Variants in TMEM117 observed in about 807,000 individuals in gnomAD.
The protein encoded by TMEM117 is transmembrane protein 117.
TMEM117 carries 27 observed loss-of-function variants against 52.4 expected under a neutral mutation model. The ratio of observed to expected loss-of-function variants is 0.51; its 90% CI spans 0.38 to 0.71. TMEM117 has a LOEUF of 0.71. TMEM117 is among the 30% of genes least tolerant of loss of function. TMEM117 has a pLI of 0.00. For missense variants in TMEM117, 556 were observed against 630.5 expected, an observed-to-expected ratio of 0.88 and a Z score of 1.26; for synonymous variants, 215 against 206.3, an observed-to-expected ratio of 1.04 and a Z score of -0.36.
intron 4 of TMEM117, among the ~76,000 whole-genome samples, chr12:44,189,014 G>T (rs1263818891): frequency 6.6e-6 from 1 of 151,936 alleles, no homozygotes; most frequent in East Asian, 1.9e-4. Flanking sequence ...GATCAAATCA[G>T]GGTAATTGGG....
chr12:44,032,789 C>A (rs995344447), intron 3 of TMEM117, among the ~76,000 whole-genome samples: 2 of 152,098 alleles, frequency 1.3e-5, no homozygotes, highest in African/African-American at 2.4e-5. Flanking sequence ...ATACAAGAGA[C>A]CCTAATAGTG....
chr12:44,138,673 A>G (rs1948527176), intron 3 of TMEM117, among the ~76,000 whole-genome samples: 1 of 152,180 alleles, frequency 6.6e-6, no homozygotes, highest in Admixed American at 6.5e-5. Context: ...GGCTACAGCT[A>G]ACAATTGTCT....
At chr12:44,309,069 C>G (rs1177868087) in intron 6 of TMEM117, among the ~76,000 whole-genome samples, 2 of 152,152 alleles carry the variant, frequency 1.3e-5, no homozygotes, top group Admixed American at 1.3e-4. Flanking sequence ...TAACAATCCT[C>G]TATAATTCAG....
chr12:43,898,028 GCACACACA>G (rs10604495), intron 2 of TMEM117, among the ~76,000 whole-genome samples: 6 of 143,400 alleles, frequency 4.2e-5, no homozygotes, highest in South Asian at 2.2e-4. Context: ...ATGCACATGC[GCACACACA>G]CACACACGCA....
At chr12:44,311,727 GTA>G (rs200776386) in intron 6 of TMEM117, among the ~76,000 whole-genome samples, 5,786 of 135,298 alleles carry the variant, frequency 0.043, 411 homozygotes, top group African/African-American at 0.14. Context: ...ATATATATAT[GTA>G]TATATATATG....
At chr12:43,903,902 T>G (rs528427281) in intron 2 of TMEM117, among the ~76,000 whole-genome samples, 5 of 152,172 alleles carry the variant, frequency 3.3e-5, no homozygotes, top group Non-Finnish European at 7.4e-5. Context: ...CTCCTTTATG[T>G]ACTCAAATGC....
rs1015702945 is a variant in TMEM117, at chr12:43,976,982, C to T, written c.410+32640C>T. On this transcript the variant is annotated intron_variant, in intron 3 of 7. Transcript: ENST00000266534. Reference sequence around the variant, plus strand: ...CAATGTGTGCCGTTACTAAGGAACCCCCCACTAGGGGTATGTTAACCCCTT... The same window carrying T: ...CAATGTGTGCCGTTACTAAGGAACCTCCCACTAGGGGTATGTTAACCCCTT... 2.6e-5 allele frequency among the ~76,000 whole-genome samples: 4 copies of T among 152,122 alleles called. No homozygotes were observed. In the East Asian group the frequency reaches 5.8e-4, roughly 22 times the overall value.
chr12:43,886,837 G>A (rs1565735318), intron 2 of TMEM117, among the ~76,000 whole-genome samples: 1 of 151,898 alleles, frequency 6.6e-6, no homozygotes, highest in Non-Finnish European at 1.5e-5. Context: ...CTATGTGTCC[G>A]TGGGCCTCAC....
intron 3 of TMEM117, among the ~76,000 whole-genome samples, chr12:43,959,362 T>C (rs1241591602): frequency 6.6e-6 from 1 of 152,244 alleles, no homozygotes; most frequent in Non-Finnish European, 1.5e-5. Flanking sequence ...TCAGTTTCTG[T>C]CGTCACAGTT....
At chr12:43,816,031 ATTATC>A in the TMEM117 span, among the ~76,000 whole-genome samples, 23 of 152,162 alleles carry the variant, frequency 1.5e-4, no homozygotes, top group East Asian at 5.8e-4. Flanking sequence ...TAGGCTTTCT[ATTATC>A]TTAGGTAGTT....
chr12:44,164,119 G>A (rs1170061969), intron 4 of TMEM117, among the ~76,000 whole-genome samples: 1 of 152,134 alleles, frequency 6.6e-6, no homozygotes, highest in Non-Finnish European at 1.5e-5. Context: ...TGGAATAAGA[G>A]AAACCCGAGA....
At chr12:44,240,949 A>G (rs528515450) in intron 5 of TMEM117, among the ~76,000 whole-genome samples, 1 of 152,032 alleles carries the variant, frequency 6.6e-6, no homozygotes, top group East Asian at 1.9e-4. Context: ...GTTGTACCAA[A>G]TCTCCCCACT....
intron 5 of TMEM117, among the ~76,000 whole-genome samples, chr12:44,298,101 TAAG>T (rs1450971047): frequency 6.6e-6 from 1 of 150,796 alleles, no homozygotes; most frequent in East Asian, 1.9e-4. Flanking sequence ...AAAAAAAACA[TAAG>T]AAGTGTTTCT....
intron 2 of TMEM117, among the ~76,000 whole-genome samples, chr12:43,868,474 C>T (rs559011400): frequency 5.3e-5 from 8 of 151,738 alleles, no homozygotes; most frequent in Non-Finnish European, 1.2e-4. Flanking sequence ...ATTGCTTGAA[C>T]CTGGGAGGCG....
intron 2 of TMEM117, among the ~76,000 whole-genome samples, chr12:43,871,235 TG>T: frequency 6.6e-6 from 1 of 152,250 alleles, no homozygotes; most frequent in Admixed American, 6.5e-5. Flanking sequence ...CCTGAGTAGC[TG>T]GGATTACAGG....
intron 2 of TMEM117, among the ~76,000 whole-genome samples, chr12:43,872,691 C>T (rs774835199): frequency 6.6e-6 from 1 of 152,154 alleles, no homozygotes; most frequent in Non-Finnish European, 1.5e-5. Context: ...TTCCATCTTC[C>T]AGTTATGACA....
intron 6 of TMEM117, among the ~76,000 whole-genome samples, chr12:44,363,446 T>C (rs1951749329): frequency 6.6e-6 from 1 of 152,172 alleles, no homozygotes; most frequent in South Asian, 2.1e-4. Context: ...TTCCTTTCAT[T>C]TAAGTAACTT....
intron 3 of TMEM117, among the ~76,000 whole-genome samples, chr12:43,991,550 G>A (rs1462704708): frequency 1.3e-5 from 2 of 151,970 alleles, no homozygotes; most frequent in East Asian, 1.9e-4. Flanking sequence ...CAAGGACCTC[G>A]GCCAAGTAAC....
At chr12:44,102,514 C>A (rs1265103703) in intron 3 of TMEM117, among the ~76,000 whole-genome samples, 4 of 151,802 alleles carry the variant, frequency 2.6e-5, no homozygotes, top group Non-Finnish European at 5.9e-5. Flanking sequence ...TTCTCTTCAT[C>A]TCTGTAATAC....
Sources: gnomAD v4.1 joint callset for allele counts (sites outside exome capture counted in the v4.1 genomes callset) on GRCh38, gnomAD v4.1.1 for gene constraint, MANE v1.5 for transcripts, NCBI Gene and HGNC (gene_info 2026-07-23, HGNC 2026-07-21) for gene names.